Variants in PRPF8 observed in about 807,000 individuals in gnomAD.
PRPF8 encodes pre-mRNA-processing-splicing factor 8.
A neutral mutation model predicts 285.9 loss-of-function variants in PRPF8; 64 were observed. The observed-to-expected ratio is 0.22, with a 90% confidence interval of 0.18 to 0.28. PRPF8 has a LOEUF of 0.28. Among genes scored for constraint, PRPF8 ranks in the 10% least tolerant of loss-of-function variants. PRPF8 has a pLI of 1.00. For synonymous variants in PRPF8, 1,325 were observed against 1,118.2 expected, an observed-to-expected ratio of 1.18 and a Z score of -3.69; for missense variants, 1,426 against 3,026.7, an observed-to-expected ratio of 0.47 and a Z score of 12.41.
rs2151115471 is a variant in PRPF8, at chr17:1,659,855, C to T, written c.4932G>A (p.Leu1644=). The T allele has an allele frequency of 2.5e-6, 4 of 1,614,148 alleles. No individual in the cohort carries two copies. The highest frequency in any genetic ancestry group is 3.4e-6 in the Non-Finnish European group (4 of 1,180,006). Residue 1644 remains leucine (L), a synonymous_variant, in exon 31 of 43, where the codon TTG becomes TTA. Coordinates refer to ENST00000304992, the MANE Select transcript of PRPF8 (RefSeq NM_006445.4). The surrounding 1 kb of genome is among the most constrained non-coding windows in gnomAD (Gnocchi z 5.1). ...SYKWNVSRPS[L]LADSKDVMDS... ...GAGGCACTTACTTGGAGTCAGCCAG[C>T]AATGAGGGCCGGGAGACATTCCACT...
rs953563033 is a variant in PRPF8 at position 1,661,218 on chromosome 17, G to A, written c.4338+53C>T. ...CTGGGTGCCTATTGCCCCAAGTTTC[G>A]GGGATAGCCATGGATTTTCCTGACT... On this transcript the variant is annotated intron_variant, in intron 27 of 42. Transcript: ENST00000304992. The surrounding 1 kb of genome is among the most constrained non-coding windows in gnomAD (Gnocchi z 7.3). The A allele has an allele frequency of 4.4e-5, 71 of 1,613,884 alleles. 2 individuals are homozygous for A. The highest frequency in any genetic ancestry group is 2.3e-4 in the South Asian group (21 of 91,082).
intron 24 of PRPF8, among the ~76,000 whole-genome samples, chr17:1,663,054 A>C (rs1911759552): frequency 6.6e-6 from 1 of 152,220 alleles, no homozygotes; most frequent in Non-Finnish European, 1.5e-5. Context: ...TATGACAAAA[A>C]TACTACTAAG....
rs182890368 is a variant in PRPF8, at chr17:1,681,128, G to C, written c.867-74C>G. 1.1e-4 allele frequency: 164 copies of C among 1,474,886 alleles called. No individual in the cohort carries two copies. The African/African-American group carries it at 1.7e-3, about 15-fold the overall frequency. 91.4% of individuals were successfully genotyped at this position (1,474,886 alleles called of 1,614,324 possible). ...GGTCTCACTCTTATCACCCAAGCTG[G>C]AATGCAATGGCATGATCATCGTTCA... On this transcript the variant is annotated intron_variant, in intron 6 of 42. Transcript: ENST00000304992.
In PRPF8 at chr17:1,675,494, G is replaced by A. The variant is rs532349468; in HGVS notation, c.2872+126C>T. On this transcript the variant is annotated intron_variant, in intron 19 of 42. Transcript: ENST00000304992. This position sits in a 1 kb window ranked among gnomAD's most constrained non-coding sequence, Gnocchi z 6.0. ...TATGGGCTTTTCCTCAGTTTAACAC[G>A]AACACTACTTCCCTTTACTACCACG... The A allele has an allele frequency of 1.1e-5, 16 of 1,452,426 alleles. No homozygotes were observed. The highest frequency in any genetic ancestry group is 4.3e-4 in the Middle Eastern group (2 of 4,688). The allele number at this position is 1,452,426 out of a possible 1,614,324, so 90.0% of individuals were successfully genotyped here.
In PRPF8 at chr17:1,673,344, G is replaced by T; in HGVS notation, c.3657+13C>A. ...GCGCGTTCATGTCACTCCCAGCCCC[G>T]CCCAGGCTGTACCTCATTCTGCAGG... On this transcript the variant is annotated intron_variant, in intron 23 of 42. Coordinates refer to ENST00000304992, the MANE Select transcript of PRPF8 (RefSeq NM_006445.4). The surrounding 1 kb of genome is among the most constrained non-coding windows in gnomAD (Gnocchi z 5.5). The T allele has an allele frequency of 6.2e-7, 1 of 1,613,614 alleles. No individual in the cohort carries two copies. The highest frequency in any genetic ancestry group is 8.5e-7 in the Non-Finnish European group (1 of 1,179,868).
At chr17:1,678,216 G>A (rs1488408156) in intron 13 of PRPF8, among the ~76,000 whole-genome samples, 1 of 152,152 alleles carries the variant, frequency 6.6e-6, no homozygotes, top group African/African-American at 2.4e-5. Context: ...TTGGGAGGCT[G>A]AAGCAGGAGA....
rs1912510236 is a variant in PRPF8 at position 1,674,512 on chromosome 17, T to C, written c.3229A>G (p.Ile1077Val). The C allele has an allele frequency of 6.2e-7, 1 of 1,614,198 alleles. No individual in the cohort carries two copies. Among genetic ancestry groups the C allele is most frequent in the Non-Finnish European group, 8.5e-7 (1 of 1,180,040 alleles). The part of the protein sequence containing the change: ...MPNDFLSFQD[I>V]ATEAAHPIRL... The stretch of plus-strand genomic sequence containing the variant: ...ATGGGGTGGGCAGCCTCAGTGGCTA[T>C]GTCCTGGAAACTGAGAAAGTCATTT... The change falls in exon 21 of 43, where the codon ATA (isoleucine) becomes GTA (valine). Residue 1077 changes from isoleucine to valine, a missense_variant. By Grantham distance (29) the Ile-to-Val change is conservative. Coordinates refer to ENST00000304992, the MANE Select transcript of PRPF8 (RefSeq NM_006445.4).
At chr17:1,665,091 C>T (rs1338447769) in intron 24 of PRPF8, among the ~76,000 whole-genome samples, 3 of 129,636 alleles carry the variant, frequency 2.3e-5, no homozygotes, top group African/African-American at 6.2e-5. Context: ...ACAGGGTAGG[C>T]GGAGGTTGCA....
In PRPF8 at chr17:1,670,540, G is replaced by A. The variant is rs568449048; in HGVS notation, c.3774+2541C>T. ...TCTCACCCTGTTGCCAGGCTGGAGT[G>A]CACTGGTGGGATCTCGGCTCACTGC... On this transcript the variant is annotated intron_variant, in intron 24 of 42. Transcript: ENST00000304992. 2.6e-5 allele frequency among the ~76,000 whole-genome samples: 4 copies of A among 152,274 alleles called. No individual in the cohort carries two copies. In the East Asian group the frequency reaches 7.7e-4, roughly 29 times the overall value.
chr17:1,661,070 G>T lies in PRPF8; in HGVS notation c.4431C>A (p.Ala1477=). The T allele has an allele frequency of 6.2e-7, 1 of 1,614,124 alleles. No homozygotes were observed. The highest frequency in any genetic ancestry group is 8.5e-7 in the Non-Finnish European group (1 of 1,180,014). ...CCAGAATGCCTTCCACACCGCCCAG[G>T]GCCTGGATCATGTCTGTACGGTAGT... ...LNNYRTDMIQ[A]LGGVEGILEH... is the part of the protein sequence containing the mutation. Residue 1477 remains alanine (A), a synonymous_variant, in exon 28 of 43, where the codon GCC becomes GCA. Transcript: ENST00000304992. This position sits in a 1 kb window ranked among gnomAD's most constrained non-coding sequence, Gnocchi z 7.3.
intron 24 of PRPF8, among the ~76,000 whole-genome samples, chr17:1,672,428 G>T (rs1912377819): frequency 6.6e-6 from 1 of 152,002 alleles, no homozygotes; most frequent in South Asian, 2.1e-4. Context: ...TACAGGCGCC[G>T]GCCACCAGGC....
rs1911027241 is a variant in PRPF8 at position 1,651,087 on chromosome 17, C to T, written c.6853+21G>A. On this transcript the variant is annotated intron_variant, in intron 42 of 42. Coordinates refer to ENST00000304992, the MANE Select transcript of PRPF8 (RefSeq NM_006445.4). This position sits in a 1 kb window ranked among gnomAD's most constrained non-coding sequence, Gnocchi z 5.1. ...CTTATCCCTACTGCTATCCCCACAT[C>T]CCCAGGCTCCTCCCACTTACCCATG... The T allele has an allele frequency of 1.2e-6, 2 of 1,614,142 alleles. No individual in the cohort carries two copies. The highest frequency in any genetic ancestry group is 1.1e-5 in the South Asian group (1 of 91,082).
intron 24 of PRPF8, among the ~76,000 whole-genome samples, chr17:1,663,009 T>C (rs1465074369): frequency 6.6e-6 from 1 of 152,126 alleles, no homozygotes; most frequent in Non-Finnish European, 1.5e-5. Context: ...TAACAAAGTA[T>C]TATAGCACTT....
At chr17:1,664,254 A>G (rs1279535104) in intron 24 of PRPF8, among the ~76,000 whole-genome samples, 3 of 152,094 alleles carry the variant, frequency 2.0e-5, no homozygotes, top group African/African-American at 7.2e-5. Context: ...GCTGGTCTCG[A>G]ACTCCTGTGC....
rs1470072168 is a variant in PRPF8, at chr17:1,650,906, T to G, written c.6904A>C (p.Lys2302Gln). The change falls in exon 43 of 43, where the codon AAA becomes CAA. Residue 2302 changes from lysine to glutamine, a missense_variant. Around this residue, in one of 34 missense-constraint regions of PRPF8, gnomAD observed 59 missense variants for 58.6 expected, o/e 1.01. Coordinates refer to ENST00000304992, the MANE Select transcript of PRPF8 (RefSeq NM_006445.4). ...CTGTGCACCTCGTGGTAGAACTCTT[T>G]GGGGTTCGCCAGCTGTAGCTCATAT... The part of the protein sequence containing the change: ...MKYELQLANP[K>Q]EFYHEVHRPS... 2 of 1,614,174 alleles carry G rather than the reference T, an allele frequency of 1.2e-6. No individual in the cohort carries two copies. Among genetic ancestry groups the G allele is most frequent in the East Asian group, 4.5e-5 (2 of 44,884 alleles).
intron 3 of PRPF8, 137 bp from the exon 4 acceptor site, chr17:1,682,430 T>A (rs1195667568): frequency 4.3e-5 from 47 of 1,089,630 alleles, no homozygotes; most frequent in Admixed American, 3.2e-4. Flanking sequence ...CACAGGCCCT[T>A]CCTAACCAGA....
chr17:1,659,899 G>A lies in PRPF8; in HGVS notation c.4888C>T (p.Leu1630=), dbSNP rs781169811. 2 of 1,614,200 alleles carry A rather than the reference G, an allele frequency of 1.2e-6. No individual in the cohort carries two copies. The highest frequency in any genetic ancestry group is 1.7e-6 in the Non-Finnish European group (2 of 1,180,042). The change falls in exon 31 of 43, where the codon CTG becomes TTG. Residue 1630 remains leucine (L), a synonymous_variant. Coordinates refer to ENST00000304992, the MANE Select transcript of PRPF8 (RefSeq NM_006445.4). This position sits in a 1 kb window ranked among gnomAD's most constrained non-coding sequence, Gnocchi z 5.1. The stretch of plus-strand genomic sequence containing the variant: ...TTCCACTTATAGGAGGCAAAGAGCA[G>A]GATATCTGCACAGGAAGAGTTCATC... ...YKMNSSCADI[L]LFASYKWNVS... is the part of the protein sequence containing the mutation.
rs898095941 is a variant in PRPF8, at chr17:1,675,869, C to A, written c.2680-57G>T. ...CCACCAACTGCTACCTTTGGTAGAA[C>A]CAAAGGCAACTGCTACCTTTGGTAG... On this transcript the variant is annotated intron_variant, in intron 18 of 42. Transcript: ENST00000304992. This position sits in a 1 kb window ranked among gnomAD's most constrained non-coding sequence, Gnocchi z 6.0. 1.3e-5 allele frequency: 21 copies of A among 1,605,862 alleles called. No homozygotes were observed. The South Asian group carries it at 2.2e-4, about 17-fold the overall frequency.
In PRPF8 at chr17:1,679,588, T is replaced by G; in HGVS notation, c.1289+21A>C. 1 of 1,612,432 alleles carries G rather than the reference T, an allele frequency of 6.2e-7. No individual in the cohort carries two copies. The highest frequency in any genetic ancestry group is 1.1e-5 in the South Asian group (1 of 90,980). ...CCTACACATCCACTATCATTCCCCC[T>G]GCCACAGGGAAAAACCTTACCAGTT... is the stretch of plus-strand genomic sequence containing the variant. On this transcript the variant is annotated intron_variant, in intron 9 of 42. Coordinates refer to ENST00000304992, the MANE Select transcript of PRPF8 (RefSeq NM_006445.4). This position sits in a 1 kb window ranked among gnomAD's most constrained non-coding sequence, Gnocchi z 4.7.
Sources: gnomAD v4.1 joint callset for allele counts (sites outside exome capture counted in the v4.1 genomes callset) on GRCh38, gnomAD v4.1.1 for gene constraint, gnomAD v4.1.1 regional missense constraint, Gnocchi (gnomAD v3.1) non-coding constraint, MANE v1.5 for transcripts, NCBI Gene and HGNC (gene_info 2026-07-23, HGNC 2026-07-21) for gene names.